The following CFAP54 variants were observed in gnomAD, a reference collection of about 807,000 sequenced individuals.
The protein encoded by CFAP54 is cilia and flagella associated protein 54.
Under a neutral mutation model 370.4 loss-of-function variants are expected in CFAP54, and 290 were observed. The observed-to-expected ratio is 0.78, with a 90% CI of 0.71 to 0.86. The LOEUF is 0.86. Among genes scored for constraint, CFAP54 ranks in the 40% least tolerant of loss-of-function variants. The pLI, the probability that CFAP54 is intolerant of heterozygous loss-of-function variation, is 0.00. For missense variants in CFAP54, 3,399 were observed against 3,528.7 expected, an observed-to-expected ratio of 0.96 and a Z score of 0.93; for synonymous variants, 1,206 against 1,236.5, an observed-to-expected ratio of 0.98 and a Z score of 0.52.
intron 66 of CFAP54, among the ~76,000 whole-genome samples, chr12:96,833,812 T>C (rs1007409110): frequency 6.6e-6 from 1 of 152,122 alleles, no homozygotes; most frequent in Non-Finnish European, 1.5e-5. Context: ...AGTAGTAATA[T>C]TAATAGTTAA....
In CFAP54 at chr12:96,554,664, G is replaced by T. The variant is rs1477582702; in HGVS notation, c.2284-12G>T. 6.6e-7 allele frequency: 1 copy of T among 1,521,424 alleles called. No individual in the cohort carries two copies. Among genetic ancestry groups the T allele is most frequent in the Non-Finnish European group, 8.8e-7 (1 of 1,138,540 alleles). 94.2% of individuals were successfully genotyped at this position (1,521,424 alleles called of 1,614,324 possible). A position where few individuals can be genotyped will look rare whatever the true frequency, so the allele number is the denominator to read the frequency against. On this transcript the variant is annotated splice_polypyrimidine_tract_variant and intron_variant, in intron 16 of 67. Transcript: ENST00000524981. ...CTATATTTCTTTTTATTTCAACTCT[G>T]TTGGACCAAAGCGTACCCACCATAT... is the stretch of plus-strand genomic sequence containing the variant.
intron 39 of CFAP54, among the ~76,000 whole-genome samples, chr12:96,675,060 T>C (rs1957190478): frequency 6.6e-6 from 1 of 151,978 alleles, no homozygotes; most frequent in Non-Finnish European, 1.5e-5. Context: ...CCAAAAGCAA[T>C]GGCAACAAAA....
intron 60 of CFAP54, among the ~76,000 whole-genome samples, chr12:96,781,472 T>C (rs546610907): frequency 4.5e-4 from 68 of 152,260 alleles, no homozygotes; most frequent in African/African-American, 1.6e-3. Flanking sequence ...ACAATTCCTA[T>C]ACAATCATAA....
chr12:96,513,363 C>T (rs1045899488), intron 5 of CFAP54, among the ~76,000 whole-genome samples: 1 of 152,098 alleles, frequency 6.6e-6, no homozygotes, highest in Non-Finnish European at 1.5e-5. Flanking sequence ...GTAGGGTGAC[C>T]ATCCGTCCTG....
At chr12:96,678,206 A>G (rs1173761506) in intron 39 of CFAP54, among the ~76,000 whole-genome samples, 1 of 152,194 alleles carries the variant, frequency 6.6e-6, no homozygotes, top group Non-Finnish European at 1.5e-5. Flanking sequence ...TGTGAGGATC[A>G]ACTGAGATTA....
intron 67 of CFAP54, among the ~76,000 whole-genome samples, chr12:96,874,582 C>A (rs1960245543): frequency 2.1e-5 from 3 of 144,054 alleles, no homozygotes; most frequent in Non-Finnish European, 3.0e-5. Context: ...TTTTCAGGAA[C>A]AATTGTTCTG....
chr12:96,750,197 C>G (rs1198033197), intron 55 of CFAP54, among the ~76,000 whole-genome samples: 1 of 152,172 alleles, frequency 6.6e-6, no homozygotes, highest in Non-Finnish European at 1.5e-5. Context: ...GCCCTGGTTC[C>G]CAGGCTCTTG....
At chr12:96,613,034 A>G (rs1173311568) in intron 26 of CFAP54, among the ~76,000 whole-genome samples, 1 of 152,232 alleles carries the variant, frequency 6.6e-6, no homozygotes, top group Non-Finnish European at 1.5e-5. Context: ...ATAGACATCT[A>G]CAGAACTCTC....
chr12:96,634,372 T>G (rs1345890951), intron 32 of CFAP54, among the ~76,000 whole-genome samples: 3 of 152,126 alleles, frequency 2.0e-5, no homozygotes, highest in African/African-American at 7.2e-5. Context: ...TTTTATATGC[T>G]TACTTGCCAT....
intron 23 of CFAP54, among the ~76,000 whole-genome samples, chr12:96,591,888 C>T (rs1956128585): frequency 7.5e-6 from 1 of 133,438 alleles, no homozygotes; most frequent in Non-Finnish European, 1.6e-5. Flanking sequence ...GAAACTCCGT[C>T]TCAAAAAAAA....
intron 20 of CFAP54, among the ~76,000 whole-genome samples, chr12:96,577,690 A>G (rs2136422773): frequency 6.6e-6 from 1 of 152,144 alleles, no homozygotes; most frequent in Non-Finnish European, 1.5e-5. Flanking sequence ...TAAATGAGAT[A>G]ATATATAATA....
Position 96,489,832 on chromosome 12 carries a change from T to A in CFAP54, c.223T>A (p.Cys75Ser), listed in dbSNP as rs1172977388. The A allele has an allele frequency of 1.3e-6, 2 of 1,536,094 alleles. No individual in the cohort carries two copies. The highest frequency in any genetic ancestry group is 2.4e-5 in the East Asian group (1 of 40,906). ...LDAKNPLLAS[C>S]EKEIQELLGF... ...CGCGAAAAACCCGCTCCTGGCCTCTTGTGAGAAGGAGATCCAGGAGTTGTT... is the reference window on the plus strand; with the variant it reads ...CGCGAAAAACCCGCTCCTGGCCTCTAGTGAGAAGGAGATCCAGGAGTTGTT... Residue 75 changes from cysteine to serine, a missense_variant, in exon 1 of 68, where the codon TGT becomes AGT. By Grantham distance (112) the Cys-to-Ser change is moderately radical. This residue lies in a region of CFAP54 where 559 missense variants were observed against 576.7 expected (regional missense o/e 0.97). Transcript: ENST00000524981.
chr12:96,648,932 T>C (rs1261199994), intron 34 of CFAP54, among the ~76,000 whole-genome samples: 1 of 152,152 alleles, frequency 6.6e-6, no homozygotes, highest in Non-Finnish European at 1.5e-5. Context: ...AACTGTAGTC[T>C]GACGAACCTG....
At chr12:96,533,154 C>T in intron 9 of CFAP54, among the ~76,000 whole-genome samples, 1 of 151,272 alleles carries the variant, frequency 6.6e-6, no homozygotes, top group East Asian at 1.9e-4. Context: ...TTTTGAGAGT[C>T]AGGTTCTTGC....
intron 28 of CFAP54, among the ~76,000 whole-genome samples, chr12:96,625,049 G>T (rs1440688503): frequency 6.6e-6 from 1 of 152,108 alleles, no homozygotes; most frequent in African/African-American, 2.4e-5. Context: ...CTCCCTGGTG[G>T]TCTAATGGTT....
chr12:96,685,681 CTGGG>C (rs1293783032), intron 42 of CFAP54, among the ~76,000 whole-genome samples: 1 of 152,116 alleles, frequency 6.6e-6, no homozygotes, highest in Non-Finnish European at 1.5e-5. Flanking sequence ...TCCCGAGTAG[CTGGG>C]ATTACAGGTG....
intron 65 of CFAP54, among the ~76,000 whole-genome samples, chr12:96,826,680 T>G (rs1232709503): frequency 9.1e-6 from 1 of 109,824 alleles, no homozygotes; most frequent in African/African-American, 3.8e-5. Context: ...ATATAATATA[T>G]AATATATTAC....
chr12:96,793,524 AT>A (rs891209691), intron 63 of CFAP54, among the ~76,000 whole-genome samples: 3 of 151,298 alleles, frequency 2.0e-5, no homozygotes, highest in Admixed American at 6.6e-5. Flanking sequence ...GTGTGCAAGT[AT>A]TTTTTTTTCT....
chr12:96,735,067 A>G (rs11108661), intron 50 of CFAP54, among the ~76,000 whole-genome samples: 57,236 of 151,986 alleles, frequency 0.38, 11,925 homozygotes, highest in East Asian at 0.68. Flanking sequence ...AAGTGAAGTT[A>G]AAGCAATGAA....
Sources: allele counts gnomAD v4.1 joint callset (sites outside exome capture counted in the v4.1 genomes callset), GRCh38; gene constraint gnomAD v4.1.1; regional missense constraint gnomAD v4.1.1; transcripts MANE v1.5; gene names NCBI Gene and HGNC (gene_info 2026-07-23, HGNC 2026-07-21).